RAB9B: variants seen among roughly 807,000 people sequenced by gnomAD.
RAB9B encodes ras-related protein Rab-9B.
In RAB9B, 1 loss-of-function variant was observed where a neutral mutation model predicts 8.9. The ratio of observed to expected loss-of-function variants is 0.11; its 90% CI spans 0.04 to 0.53. RAB9B has a LOEUF of 0.53. Ranked by LOEUF, RAB9B falls within the 20% of genes least tolerant of loss-of-function variation. The pLI, the probability that RAB9B is intolerant of heterozygous loss-of-function variation, is 0.93. For synonymous variants in RAB9B, 63 were observed against 57.0 expected (o/e 1.10, Z -0.47); for missense variants, 82 against 152.9 (o/e 0.54, Z 2.45).
At chrX:103,830,704 T>C (rs759447636) in intron 1 of RAB9B, among the ~76,000 whole-genome samples, 28 of 110,013 alleles carry the variant, frequency 2.5e-4, no homozygotes, top group Non-Finnish European at 4.5e-4. Context: ...TTTAACACAC[T>C]TGAAACCTTC....
chrX:103,779,196 T>C, the RAB9B span, among the ~76,000 whole-genome samples: 1 of 112,478 alleles, frequency 8.9e-6, no homozygotes, highest in South Asian at 3.7e-4. Flanking sequence ...TAGCTGATTA[T>C]TCTCTGCTCT....
At chrX:103,808,247 C>T in the RAB9B span, among the ~76,000 whole-genome samples, 1 of 112,006 alleles carries the variant, frequency 8.9e-6, no homozygotes, top group African/African-American at 3.2e-5. Flanking sequence ...TTTAGCTTGA[C>T]AAAGCCTTAG....
chrX:103,799,407 T>C, the RAB9B span, among the ~76,000 whole-genome samples: 1 of 111,810 alleles, frequency 8.9e-6, no homozygotes, highest in South Asian at 3.7e-4. Context: ...TATTTATTGA[T>C]ATTAGATATT....
At chrX:103,784,184 T>C in the RAB9B span, among the ~76,000 whole-genome samples, 3 of 111,635 alleles carry the variant, frequency 2.7e-5, no homozygotes, top group Non-Finnish European at 5.6e-5. Flanking sequence ...GTGCCTCTCC[T>C]GTTTCTCAGC....
the RAB9B span, chrX:103,790,470 A>T: frequency 2.4e-6 from 2 of 826,399 alleles, no homozygotes; most frequent in Non-Finnish European, 3.7e-6. Context: ...AAGGGATTTG[A>T]GGAGGGAGTG....
chrX:103,780,962 C>A, the RAB9B span: 1 of 145,150 alleles, frequency 6.9e-6, no homozygotes, highest in African/African-American at 3.1e-5. Context: ...AGTGCAGATT[C>A]GAGACCTAGG....
At chrX:103,802,369 C>A in the RAB9B span, among the ~76,000 whole-genome samples, 2 of 111,003 alleles carry the variant, frequency 1.8e-5, no homozygotes, top group Admixed American at 9.6e-5. Context: ...TTCTCAGCCA[C>A]CTGAGGTTCA....
At chrX:103,810,624 C>A in the RAB9B span, among the ~76,000 whole-genome samples, 1 of 112,002 alleles carries the variant, frequency 8.9e-6, no homozygotes, top group African/African-American at 3.2e-5. Flanking sequence ...ATAGCTGTCT[C>A]GCTAGTCACC....
At chrX:103,778,776 C>T in the RAB9B span, among the ~76,000 whole-genome samples, 1 of 111,886 alleles carries the variant, frequency 8.9e-6, no homozygotes, top group Non-Finnish European at 1.9e-5. Flanking sequence ...ATCTAAAGTA[C>T]TTTGAATTAT....
chrX:103,830,706 G>A (rs1355098536), intron 1 of RAB9B, among the ~76,000 whole-genome samples: 1 of 109,065 alleles, frequency 9.2e-6, no homozygotes, highest in Non-Finnish European at 1.9e-5. Flanking sequence ...TAACACACTT[G>A]AAACCTTCTG....
At chrX:103,806,394 G>A in the RAB9B span, among the ~76,000 whole-genome samples, 1 of 111,284 alleles carries the variant, frequency 9.0e-6, no homozygotes, top group East Asian at 2.8e-4. Context: ...CCACATATTT[G>A]TGAATTTCCC....
chrX:103,789,143 T>A, the RAB9B span: 1 of 480,834 alleles, frequency 2.1e-6, no homozygotes, highest in Non-Finnish European at 3.7e-6. Context: ...TGGGTGTTAA[T>A]GGGCCAGGTG....
At chrX:103,778,228 G>A in the RAB9B span, among the ~76,000 whole-genome samples, 3 of 112,452 alleles carry the variant, frequency 2.7e-5, no homozygotes, top group African/African-American at 9.7e-5. Flanking sequence ...TGAGAATCAA[G>A]TAACAATAAT....
At chrX:103,808,924 C>T in the RAB9B span, among the ~76,000 whole-genome samples, 2 of 113,347 alleles carry the variant, frequency 1.8e-5, no homozygotes, top group African/African-American at 6.4e-5. Flanking sequence ...GACTAGGACC[C>T]ATGAAGAAGG....
the RAB9B span, among the ~76,000 whole-genome samples, chrX:103,816,848 A>G: frequency 8.2e-4 from 92 of 112,841 alleles, no homozygotes; most frequent in Non-Finnish European, 9.6e-4. Context: ...ATCACTGGTC[A>G]TTAGAGAAAT....
intron 2 of RAB9B, among the ~76,000 whole-genome samples, chrX:103,826,495 G>C (rs1343133469): frequency 4.5e-5 from 5 of 111,878 alleles, no homozygotes; most frequent in African/African-American, 9.7e-5. Context: ...CTGTCATGAA[G>C]GAAGGAAATC....
downstream of RAB9B, among the ~76,000 whole-genome samples, chrX:103,820,118 C>T (rs1454441119): frequency 3.6e-5 from 4 of 111,970 alleles, no homozygotes; most frequent in Non-Finnish European, 7.5e-5. Flanking sequence ...CCTGAATGTG[C>T]GGATGCCTTG....
rs1376542275 is a variant in RAB9B at position 103,825,033 on chromosome X, A to G, written c.*146T>C. On this transcript the variant is annotated 3_prime_UTR_variant, in exon 3 of 3. Transcript: ENST00000243298. The stretch of plus-strand genomic sequence containing the variant: ...TTTTAATTTTTTTAAATCAATCTAC[A>G]CTTCAATTTGAAAGGCTCTGTTTCA... 1.1e-5 allele frequency: 7 copies of G among 620,720 alleles called. No homozygotes were observed. The highest frequency in any genetic ancestry group is 4.7e-4 in the Middle Eastern group (1 of 2,115). 51.2% of individuals were successfully genotyped at this position (620,720 alleles called of 1,213,427 possible).
chrX:103,793,575 C>T, the RAB9B span, among the ~76,000 whole-genome samples: 1 of 111,864 alleles, frequency 8.9e-6, no homozygotes, highest in Non-Finnish European at 1.9e-5. Context: ...GACACAGCAC[C>T]ATATTTTGGA....
Sources: gnomAD v4.1 joint callset for allele counts (sites outside exome capture counted in the v4.1 genomes callset) on GRCh38, gnomAD v4.1.1 for gene constraint, MANE v1.5 for transcripts, NCBI Gene and HGNC (gene_info 2026-07-23, HGNC 2026-07-21) for gene names.